MAP2K6: variants seen among roughly 807,000 people sequenced by gnomAD.
MAP2K6 encodes mitogen-activated protein kinase kinase 6.
In MAP2K6, 16 loss-of-function variants were observed where a neutral mutation model predicts 53.7. That is an observed-to-expected ratio of 0.30 (90% CI 0.20 to 0.45). The LOEUF (loss-of-function observed/expected upper bound fraction) is 0.45. MAP2K6 is among the 20% of genes least tolerant of loss of function. The probability of loss-of-function intolerance (pLI) is 1.00; values close to 1 mark genes in which losing one functional copy is unlikely to be tolerated. For synonymous variants in MAP2K6, 132 were observed against 143.1 expected (o/e 0.92, Z 0.55); for missense variants, 204 against 411.9 (o/e 0.50, Z 4.37).
rs747910453 is a variant in MAP2K6 at position 69,547,553 on chromosome 17, G to C, written c.*5800G>C. 6.6e-6 allele frequency: 1 copy of C among 152,244 alleles called. No individual in the cohort carries two copies. Among genetic ancestry groups the C allele is most frequent in the Non-Finnish European group, 1.5e-5 (1 of 68,046 alleles). The allele number at this position is 152,244 out of a possible 1,614,324, so 9.4% of individuals were successfully genotyped here. A position where few individuals can be genotyped will look rare whatever the true frequency, so the allele number is the denominator to read the frequency against. On this transcript the variant is annotated 3_prime_UTR_variant, in exon 12 of 12. Coordinates refer to ENST00000590474, the MANE Select transcript of MAP2K6 (RefSeq NM_002758.4). ...AACTCTGATTAACTAGATATGTAGA[G>C]TTCTTCCATTTTAGTGACTATTGAG...
At chr17:69,496,274 CTTT>C (rs10676734) in intron 1 of MAP2K6, among the ~76,000 whole-genome samples, 8 of 140,342 alleles carry the variant, frequency 5.7e-5, no homozygotes, top group African/African-American at 7.9e-5. Context: ...GCCTTCCCTT[CTTT>C]TTTTTTTTTT....
intron 1 of MAP2K6, among the ~76,000 whole-genome samples, chr17:69,497,524 C>CT (rs11442126): frequency 0.44 from 65,183 of 149,372 alleles, 14,307 homozygotes; most frequent in East Asian, 0.55. Flanking sequence ...CTTGTTACAT[C>CT]TTTTTTTTTT....
Position 69,553,645 on chromosome 17 carries a change from C to T in MAP2K6, c.*11892C>T, listed in dbSNP as rs1387568859. 1.3e-5 allele frequency: 2 copies of T among 152,174 alleles called. No individual in the cohort carries two copies. The highest frequency in any genetic ancestry group is 2.9e-5 in the Non-Finnish European group (2 of 68,038). 9.4% of individuals were successfully genotyped at this position (152,174 alleles called of 1,614,324 possible). ...GTGTGTGTTGTGTTCAATGTTGTGT[C>T]AATCTACAAACTGACTCAAACAACA... On this transcript the variant is annotated 3_prime_UTR_variant, in exon 12 of 12. Transcript: ENST00000590474.
chr17:69,485,434 C>G (rs1908496354), intron 1 of MAP2K6: 2 of 976,894 alleles, frequency 2.0e-6, no homozygotes, highest in African/African-American at 3.5e-5. Flanking sequence ...TCTCTTATCT[C>G]TATGGAACAT....
At chr17:69,422,245 C>A (rs574163693) in intron 1 of MAP2K6, among the ~76,000 whole-genome samples, 113 of 150,092 alleles carry the variant, frequency 7.5e-4, no homozygotes, top group African/African-American at 2.7e-3. Flanking sequence ...AATTCTCCTG[C>A]CTCAGCCTCC....
At chr17:69,427,827 A>G (rs1368545977) in intron 1 of MAP2K6, among the ~76,000 whole-genome samples, 2 of 152,310 alleles carry the variant, frequency 1.3e-5, no homozygotes, top group African/African-American at 4.8e-5. Flanking sequence ...TATTTTTGTA[A>G]GGAAAGTAGA....
intron 1 of MAP2K6, among the ~76,000 whole-genome samples, chr17:69,457,263 G>A (rs183885394): frequency 1.6e-4 from 25 of 152,260 alleles, no homozygotes; most frequent in Non-Finnish European, 3.2e-4. Flanking sequence ...ATTTGAGGAA[G>A]GACTCCCACG....
At chr17:69,533,199 A>G (rs1055836913) in intron 10 of MAP2K6, among the ~76,000 whole-genome samples, 13 of 152,136 alleles carry the variant, frequency 8.5e-5, no homozygotes, top group Non-Finnish European at 1.5e-4. Flanking sequence ...TCACCCTCAC[A>G]AAGTGTTGGG....
At chr17:69,465,691 C>T (rs1333519179) in intron 1 of MAP2K6, among the ~76,000 whole-genome samples, 2 of 151,044 alleles carry the variant, frequency 1.3e-5, no homozygotes, top group Admixed American at 6.6e-5. Flanking sequence ...GCAATCTCGG[C>T]TCACTGCAAC....
intron 1 of MAP2K6, among the ~76,000 whole-genome samples, chr17:69,436,862 C>T (rs778885682): frequency 1.3e-5 from 2 of 151,846 alleles, no homozygotes; most frequent in Non-Finnish European, 2.9e-5. Flanking sequence ...CACTCTGTCA[C>T]CCAGGCTGCT....
At chr17:69,526,822 T>C (rs1401242849) in intron 10 of MAP2K6, 113 bp downstream of exon 10, 2 of 1,310,236 alleles carry the variant, frequency 1.5e-6, no homozygotes, top group Non-Finnish European at 2.1e-6. Context: ...AAAGCATTTG[T>C]GGAGTATGCC....
chr17:69,431,305 T>C (rs1906454704), intron 1 of MAP2K6, among the ~76,000 whole-genome samples: 1 of 151,812 alleles, frequency 6.6e-6, no homozygotes, highest in African/African-American at 2.4e-5. Flanking sequence ...AACACCCTTA[T>C]TGTATAATAT....
chr17:69,518,198 TTAATAA>T (rs71144699), intron 4 of MAP2K6, among the ~76,000 whole-genome samples: 1 of 149,506 alleles, frequency 6.7e-6, no homozygotes, highest in South Asian at 2.1e-4. Flanking sequence ...TCAAATAATA[TTAATAA>T]TAATAATAAT....
intron 1 of MAP2K6, among the ~76,000 whole-genome samples, chr17:69,456,780 AC>A (rs1567824414): frequency 6.6e-6 from 1 of 151,966 alleles, no homozygotes; most frequent in Non-Finnish European, 1.5e-5. Flanking sequence ...GAGTACTCTT[AC>A]CCCACCTGCC....
Position 69,551,701 on chromosome 17 carries a change from T to C in MAP2K6, c.*9948T>C, listed in dbSNP as rs1223077367. On this transcript the variant is annotated 3_prime_UTR_variant, in exon 12 of 12. Coordinates refer to ENST00000590474, the MANE Select transcript of MAP2K6 (RefSeq NM_002758.4). Reference sequence around the variant, plus strand: ...CAAATTTATTTTCTGAGTGGACTGATTTTCTATATGAACTGAAATGATGTT... The same window carrying C: ...CAAATTTATTTTCTGAGTGGACTGACTTTCTATATGAACTGAAATGATGTT... 1 of 152,248 alleles carries C rather than the reference T, an allele frequency of 6.6e-6. No individual in the cohort carries two copies. The highest frequency in any genetic ancestry group is 6.5e-5 in the Admixed American group (1 of 15,284). 9.4% of individuals were successfully genotyped at this position (152,248 alleles called of 1,614,324 possible).
At chr17:69,509,712 G>A (rs1179353403) in intron 2 of MAP2K6, among the ~76,000 whole-genome samples, 1 of 152,114 alleles carries the variant, frequency 6.6e-6, no homozygotes, top group Non-Finnish European at 1.5e-5. Context: ...TCATCTTAGA[G>A]GGAAAGCATT....
At chr17:69,483,432 T>C (rs997272656) in intron 1 of MAP2K6, among the ~76,000 whole-genome samples, 2 of 152,018 alleles carry the variant, frequency 1.3e-5, no homozygotes, top group Non-Finnish European at 2.9e-5. Flanking sequence ...AAAGCTACAC[T>C]GTTGAAAGAT....
chr17:69,439,105 T>C (rs1423167064), intron 1 of MAP2K6, among the ~76,000 whole-genome samples: 1 of 152,196 alleles, frequency 6.6e-6, no homozygotes, highest in African/African-American at 2.4e-5. Context: ...TTAAAGAACA[T>C]ATTTGCTGGT....
intron 10 of MAP2K6, 124 bp downstream of exon 10, chr17:69,526,833 C>T (rs1598312045): frequency 4.1e-6 from 5 of 1,229,862 alleles, no homozygotes; most frequent in South Asian, 1.5e-5. Flanking sequence ...GGAGTATGCC[C>T]TCTCTGCTGG....
Sources: gnomAD v4.1 joint callset for allele counts (sites outside exome capture counted in the v4.1 genomes callset) on GRCh38, gnomAD v4.1.1 for gene constraint, MANE v1.5 for transcripts, NCBI Gene and HGNC (gene_info 2026-07-23, HGNC 2026-07-21) for gene names.